Variants in LRP2 observed in about 807,000 individuals in gnomAD.
LRP2 encodes the protein low-density lipoprotein receptor-related protein 2.
In LRP2, 172 loss-of-function variants were observed where a neutral mutation model predicts 531.0. That is an observed-to-expected ratio of 0.32 (90% CI 0.29 to 0.37). The LOEUF (loss-of-function observed/expected upper bound fraction) is 0.37, where lower values mean the gene tolerates loss of function less well. Ranked by LOEUF, LRP2 falls within the 10% of genes least tolerant of loss-of-function variation. LRP2 has a pLI of 1.00. For synonymous variants in LRP2, 1,992 were observed against 2,027.6 expected (o/e 0.98, Z 0.47); for missense variants, 5,167 against 5,868.3 (o/e 0.88, Z 3.90).
rs1463698522 is a variant in LRP2 at position 169,231,744 on chromosome 2, G to T, written c.5197C>A (p.Leu1733Met). ...AAGCAATTCAGGAGATCAGGAGACA[G>T]ACTCCATCCTGAAGGACAAACACAG... ...YSCVCPSGWSLSPDLLNCLRD... is the reference protein window; with the variant it reads ...YSCVCPSGWSMSPDLLNCLRD... Residue 1733 changes from leucine (L) to methionine (M), a missense_variant, in exon 31 of 79, where the codon CTG (leucine) becomes ATG (methionine). Physicochemically the swap from Leu to Met is conservative, Grantham distance 15. Coordinates refer to ENST00000649046, the MANE Select transcript of LRP2 (RefSeq NM_004525.3). 6.2e-7 allele frequency: 1 copy of T among 1,614,104 alleles called. No homozygotes were observed. The highest frequency in any genetic ancestry group is 1.1e-5 in the South Asian group (1 of 91,084).
rs1011417572 is a variant in LRP2 at position 169,318,990 on chromosome 2, T to C, written c.188-106A>G. 26 of 1,406,950 alleles carry C rather than the reference T, an allele frequency of 1.8e-5. No individual in the cohort carries two copies. The Admixed American group carries it at 2.3e-4, about 12-fold the overall frequency. The allele number at this position is 1,406,950 out of a possible 1,614,324, so 87.2% of individuals were successfully genotyped here. ...GTATCATGTAAACTCCTGCTCAATTTATTTGAAGGCAAATAGTAAACAACC... is the reference window on the plus strand; with the variant it reads ...GTATCATGTAAACTCCTGCTCAATTCATTTGAAGGCAAATAGTAAACAACC... On this transcript the variant is annotated intron_variant, in intron 2 of 78. Coordinates refer to ENST00000649046, the MANE Select transcript of LRP2 (RefSeq NM_004525.3).
chr2:169,218,946 A>C (rs1427655726), intron 34 of LRP2, among the ~76,000 whole-genome samples: 1 of 152,122 alleles, frequency 6.6e-6, no homozygotes, highest in Non-Finnish European at 1.5e-5. Context: ...AAGACAAAAA[A>C]ATTTCTATTT....
At chr2:169,235,333 G>A (rs148175287) in intron 29 of LRP2, among the ~76,000 whole-genome samples, 6,301 of 151,710 alleles carry the variant, frequency 0.042, 353 homozygotes, top group African/African-American at 0.13. Flanking sequence ...TCTGCTTCCC[G>A]GGTTCAAGCA....
At chr2:169,305,134 G>C (rs551516624) in intron 4 of LRP2, among the ~76,000 whole-genome samples, 3 of 152,266 alleles carry the variant, frequency 2.0e-5, no homozygotes, top group African/African-American at 7.2e-5. Flanking sequence ...AACTGTACTA[G>C]GAACTCTGCT....
intron 47 of LRP2, among the ~76,000 whole-genome samples, chr2:169,193,388 G>A (rs1383655098): frequency 4.2e-5 from 6 of 142,606 alleles, no homozygotes; most frequent in Non-Finnish European, 6.0e-5. Context: ...CCATGATACC[G>A]CCACTGCACT....
At chr2:169,155,370 C>A (rs1382319038) in intron 65 of LRP2, among the ~76,000 whole-genome samples, 7 of 152,122 alleles carry the variant, frequency 4.6e-5, no homozygotes, top group African/African-American at 1.7e-4. Context: ...TGCTTAATTA[C>A]CAGACCAACT....
intron 1 of LRP2, among the ~76,000 whole-genome samples, chr2:169,360,936 G>A (rs1559092539): frequency 6.6e-6 from 1 of 152,200 alleles, no homozygotes; most frequent in Non-Finnish European, 1.5e-5. Context: ...TTGAATACAT[G>A]CCACGGCCCA....
At chr2:169,257,050 A>T in intron 18 of LRP2, 74 bp downstream of exon 18, 1 of 1,578,590 alleles carries the variant, frequency 6.3e-7, no homozygotes, top group South Asian at 1.1e-5. Context: ...ACACCATCAT[A>T]TCACCCAACC....
intron 76 of LRP2, among the ~76,000 whole-genome samples, chr2:169,134,096 C>T (rs1483729362): frequency 6.6e-6 from 1 of 152,182 alleles, no homozygotes; most frequent in Non-Finnish European, 1.5e-5. Context: ...TTAGTGCAGT[C>T]AGAATTCTTA....
chr2:169,280,635 T>G (rs1230563951), intron 10 of LRP2, 116 bp from the exon 11 acceptor site: 6 of 1,049,448 alleles, frequency 5.7e-6, no homozygotes, highest in Non-Finnish European at 8.5e-6. Flanking sequence ...TTGTCTTACC[T>G]GATTTTAACA....
intron 8 of LRP2, 35 bp downstream of exon 8, chr2:169,290,807 TTTA>T: frequency 6.2e-7 from 1 of 1,607,928 alleles, no homozygotes; most frequent in Non-Finnish European, 8.5e-7. Context: ...CAGAAATATC[TTTA>T]TCTGAAAGCT....
At chr2:169,343,102 T>C (rs1028771603) in intron 1 of LRP2, among the ~76,000 whole-genome samples, 2 of 152,186 alleles carry the variant, frequency 1.3e-5, no homozygotes, top group Non-Finnish European at 2.9e-5. Flanking sequence ...ATTCCTGTTC[T>C]CAGAGTTACA....
At chr2:169,308,536 T>C (rs1274261286) in intron 3 of LRP2, among the ~76,000 whole-genome samples, 2 of 152,198 alleles carry the variant, frequency 1.3e-5, no homozygotes, top group Non-Finnish European at 2.9e-5. Flanking sequence ...TCCATGTCCC[T>C]ACAAAGGACA....
chr2:169,142,540 C>A (rs1685760424), intron 71 of LRP2, 134 bp downstream of exon 71: 1 of 1,249,270 alleles, frequency 8.0e-7, no homozygotes, highest in Non-Finnish European at 1.2e-6. Context: ...TTCATACCTC[C>A]CACATCCCTT....
intron 52 of LRP2, among the ~76,000 whole-genome samples, chr2:169,178,952 G>A (rs949860332): frequency 1.3e-5 from 2 of 152,048 alleles, no homozygotes; most frequent in Non-Finnish European, 2.9e-5. Context: ...TGATAAGGAT[G>A]CAGGTAAATG....
chr2:169,193,910 A>T lies in LRP2; in HGVS notation c.8699-18T>A, dbSNP rs746596238. On this transcript the variant is annotated intron_variant, in intron 46 of 78. Transcript: ENST00000649046. Reference sequence around the variant, plus strand: ...AGAGTGACCTGAAAAGATCAATAGCATTCTCAGTGAAAAAAAGTGGTTTAC... The same window carrying T: ...AGAGTGACCTGAAAAGATCAATAGCTTTCTCAGTGAAAAAAAGTGGTTTAC... 2.5e-6 allele frequency: 4 copies of T among 1,613,960 alleles called. No individual in the cohort carries two copies. Among genetic ancestry groups the T allele is most frequent in the Non-Finnish European group, 3.4e-6 (4 of 1,179,988 alleles).
At chr2:169,213,902 G>T in intron 35 of LRP2, 32 bp from the exon 36 acceptor site, 1 of 1,485,226 alleles carries the variant, frequency 6.7e-7, no homozygotes, top group Non-Finnish European at 9.4e-7. Context: ...TAGTTTCATG[G>T]ATTCATAGTG....
intron 75 of LRP2, among the ~76,000 whole-genome samples, chr2:169,138,283 C>A (rs537072065): frequency 1.3e-5 from 2 of 152,308 alleles, no homozygotes; most frequent in African/African-American, 4.8e-5. Flanking sequence ...CCTCCTCACA[C>A]ACCACCCTCA....
intron 1 of LRP2, among the ~76,000 whole-genome samples, chr2:169,324,236 C>A (rs1256019653): frequency 6.6e-6 from 1 of 152,092 alleles, no homozygotes; most frequent in African/African-American, 2.4e-5. Context: ...ATGTGCAAAG[C>A]AAGGATTTGA....
Sources: gnomAD v4.1 joint callset for allele counts (sites outside exome capture counted in the v4.1 genomes callset) on GRCh38, gnomAD v4.1.1 for gene constraint, MANE v1.5 for transcripts, NCBI Gene and HGNC (gene_info 2026-07-23, HGNC 2026-07-21) for gene names.